Variants in HMX1 observed in about 807,000 individuals in gnomAD.
HMX1 encodes H6 family homeobox 1, also known as homeobox protein HMX1.
In HMX1, 8 loss-of-function variants were observed where a neutral mutation model predicts 8.9. The ratio of observed to expected loss-of-function variants is 0.90; its 90% CI spans 0.53 to 1.63. The LOEUF (loss-of-function observed/expected upper bound fraction) is 1.63, where lower values mean the gene tolerates loss of function less well. Among genes scored for constraint, HMX1 ranks in the 40% most tolerant of loss-of-function variants. The pLI, the probability that HMX1 is intolerant of heterozygous loss-of-function variation, is 0.00. For missense variants in HMX1, 621 were observed against 558.5 expected (o/e 1.11, Z -1.13); for synonymous variants, 311 against 283.4 (o/e 1.10, Z -0.98).
At chr4:8,865,452 A>G (rs1270989956), downstream of HMX1, among the ~76,000 whole-genome samples, 1 of 151,982 alleles carries the variant, frequency 6.6e-6, no homozygotes, top group Admixed American at 6.6e-5. Flanking sequence ...AGGAGAGGCT[A>G]CTGCTGCTGC....
At position 8,871,573 on chromosome 4, in the gene HMX1, G is replaced by T; in HGVS notation, c.42C>A (p.Ala14=). 7.4e-7 allele frequency: 1 copy of T among 1,351,764 alleles called. No individual in the cohort carries two copies. The highest frequency in any genetic ancestry group is 9.5e-7 in the Non-Finnish European group (1 of 1,048,816). 83.7% of individuals were successfully genotyped at this position (1,351,764 alleles called of 1,614,324 possible). ...ELTEPGRATP[A]RASSFLIENL... is the part of the protein sequence containing the mutation. ...TCTCGATGAGGAAGGAGGAGGCGCG[G>T]GCCGGCGTGGCGCGCCCGGGCTCCG... is the stretch of plus-strand genomic sequence containing the variant. Residue 14 remains alanine (A), a synonymous_variant, in exon 1 of 2, where the codon GCC becomes GCA. Coordinates refer to ENST00000400677, the MANE Select transcript of HMX1 (RefSeq NM_018942.3). This position sits in a 1 kb window ranked among gnomAD's most constrained non-coding sequence, Gnocchi z 4.8.
chr4:8,846,120 C>A, exon 2 of HMX1: 1 of 689,962 alleles, frequency 1.4e-6, no homozygotes, highest in South Asian at 1.8e-5. Flanking sequence ...ACTGAGTGCC[C>A]CCTGTGGGAA....
rs1449416484 is a variant in HMX1 at position 8,848,807 on chromosome 4, T to C, written c.395-2483A>G. On this transcript the variant is annotated intron_variant, in intron 1 of 1. Coordinates refer to the HMX1 transcript ENST00000506970. The surrounding 1 kb of genome is among the most constrained non-coding windows in gnomAD (Gnocchi z 4.1). Reference sequence around the variant, plus strand: ...GAGACATCATAAGGGCTTTTCCTGGTTGGTGAAGACCACAGGCTGCTGCCC... The same window carrying C: ...GAGACATCATAAGGGCTTTTCCTGGCTGGTGAAGACCACAGGCTGCTGCCC... 6.6e-6 allele frequency among the ~76,000 whole-genome samples: 1 copy of C among 152,184 alleles called. No individual in the cohort carries two copies.
intron 1 of HMX1, among the ~76,000 whole-genome samples, chr4:8,860,344 G>A (rs1473729850): frequency 1.3e-5 from 2 of 152,260 alleles, no homozygotes; most frequent in Non-Finnish European, 2.9e-5. Flanking sequence ...GGTGGGTGCT[G>A]AGCGGGAACA....
downstream of HMX1, among the ~76,000 whole-genome samples, chr4:8,864,346 G>A (rs1316421331): frequency 3.3e-5 from 5 of 152,276 alleles, no homozygotes; most frequent in African/African-American, 7.2e-5. Context: ...ACTGGTGCTC[G>A]GAGCTGTGCA....
intron 1 of HMX1, among the ~76,000 whole-genome samples, chr4:8,856,810 C>T (rs966123441): frequency 6.6e-6 from 1 of 152,184 alleles, no homozygotes; most frequent in Non-Finnish European, 1.5e-5. Context: ...AAACTCTGGT[C>T]GGGCGCAGTG....
At position 8,867,461 on chromosome 4, in the gene HMX1, T is replaced by A; in HGVS notation, c.*232A>T. On this transcript the variant is annotated 3_prime_UTR_variant, in exon 2 of 2. Coordinates refer to ENST00000400677, the MANE Select transcript of HMX1 (RefSeq NM_018942.3). ...AGCCCAGAGTCTCTGCATGGCCCCC[T>A]GTTCGAGTGGGGATCCAGCCTGGCA... 6.4e-6 allele frequency: 7 copies of A among 1,094,378 alleles called. No individual in the cohort carries two copies. The highest frequency in any genetic ancestry group is 7.8e-6 in the Non-Finnish European group (7 of 901,244). The allele number at this position is 1,094,378 out of a possible 1,614,324, so 67.8% of individuals were successfully genotyped here.
In HMX1 at chr4:8,871,543, C is replaced by A; in HGVS notation, c.72G>T (p.Leu24=). ...CTGCGCCCTTGGCCTCGGCCGCCAG[C>A]AGGTTCTCGATGAGGAAGGAGGAGG... ...ARASSFLIEN[L]LAAEAKGAGR... Residue 24 remains leucine, a synonymous_variant, in exon 1 of 2, where the codon CTG becomes CTT. Transcript: ENST00000400677. The surrounding 1 kb of genome is among the most constrained non-coding windows in gnomAD (Gnocchi z 4.8). The A allele has an allele frequency of 7.3e-7, 1 of 1,366,158 alleles. No individual in the cohort carries two copies. Among genetic ancestry groups the A allele is most frequent in the South Asian group, 1.6e-5 (1 of 64,322 alleles). 84.6% of individuals were successfully genotyped at this position (1,366,158 alleles called of 1,614,324 possible). A position where few individuals can be genotyped will look rare whatever the true frequency, so the allele number is the denominator to read the frequency against.
In HMX1 at chr4:8,867,411, G is replaced by C; in HGVS notation, c.*282C>G. ...GACCGCTCCTCGCTGAGGCCGGGGGGTGGCCGTGGCGCCGGGGGCTGCGCA... is the reference window on the plus strand; with the variant it reads ...GACCGCTCCTCGCTGAGGCCGGGGGCTGGCCGTGGCGCCGGGGGCTGCGCA... On this transcript the variant is annotated 3_prime_UTR_variant, in exon 2 of 2. Coordinates refer to ENST00000400677, the MANE Select transcript of HMX1 (RefSeq NM_018942.3). 9.2e-7 allele frequency: 1 copy of C among 1,082,780 alleles called. No homozygotes were observed. Among genetic ancestry groups the C allele is most frequent in the Non-Finnish European group, 1.1e-6 (1 of 893,740 alleles). 67.1% of individuals were successfully genotyped at this position (1,082,780 alleles called of 1,614,324 possible).
rs558555159 is a variant in HMX1 at position 8,869,166 on chromosome 4, C to T, written c.395-821G>A. Among the ~76,000 whole-genome samples the T allele has an allele frequency of 3.9e-5, 6 of 152,318 alleles. No individual in the cohort carries two copies. The East Asian group carries it at 7.7e-4, about 20-fold the overall frequency. ...CAGCCTCATGGGTTTGGGCTGAAAC[C>T]AGAAGCTCACAGGCGGTGTCTGAGT... On this transcript the variant is annotated intron_variant, in intron 1 of 1. Transcript: ENST00000400677.
Position 8,867,463 on chromosome 4 carries a change from T to G in HMX1, c.*230A>C. 9 of 1,115,820 alleles carry G rather than the reference T, an allele frequency of 8.1e-6. No homozygotes were observed. The highest frequency in any genetic ancestry group is 5.0e-5 in the Admixed American group (1 of 19,924). The allele number at this position is 1,115,820 out of a possible 1,614,324, so 69.1% of individuals were successfully genotyped here. On this transcript the variant is annotated 3_prime_UTR_variant, in exon 2 of 2. Coordinates refer to ENST00000400677, the MANE Select transcript of HMX1 (RefSeq NM_018942.3). Reference sequence around the variant, plus strand: ...CCCAGAGTCTCTGCATGGCCCCCTGTTCGAGTGGGGATCCAGCCTGGCAAA... The same window carrying G: ...CCCAGAGTCTCTGCATGGCCCCCTGGTCGAGTGGGGATCCAGCCTGGCAAA...
At chr4:8,856,470 G>C (rs1357721434) in intron 1 of HMX1, among the ~76,000 whole-genome samples, 1 of 152,144 alleles carries the variant, frequency 6.6e-6, no homozygotes, top group Non-Finnish European at 1.5e-5. Flanking sequence ...ACTAGGAGGA[G>C]GAGAAGAGGC....
intron 1 of HMX1, among the ~76,000 whole-genome samples, chr4:8,852,119 A>G (rs1464512796): frequency 6.6e-6 from 1 of 152,222 alleles, no homozygotes; most frequent in East Asian, 1.9e-4. Context: ...GTGGGCAAGG[A>G]GAGCGTGATG....
rs1721322933 is a variant in HMX1, at chr4:8,847,832, G to A, written c.395-1508C>T. ...GATTCAGAAACAGGGGAATGGGAAGGACAAGAAGAACCTCGGGGTTGGCTG... is the reference window on the plus strand; with the variant it reads ...GATTCAGAAACAGGGGAATGGGAAGAACAAGAAGAACCTCGGGGTTGGCTG... On this transcript the variant is annotated intron_variant, in intron 1 of 1. Transcript: ENST00000506970. The surrounding 1 kb of genome is among the most constrained non-coding windows in gnomAD (Gnocchi z 6.0). 6.6e-6 allele frequency among the ~76,000 whole-genome samples: 1 copy of A among 152,214 alleles called. No homozygotes were observed. Among genetic ancestry groups the A allele is most frequent in the Non-Finnish European group, 1.5e-5 (1 of 68,036 alleles).
In HMX1 at chr4:8,870,839, C is replaced by T. The variant is rs576829096; in HGVS notation, c.394+382G>A. Reference sequence around the variant, plus strand: ...TCTCTCTCCCGCAGCACATTCCTTTCTTCCTCCATCCTCCCATTTTCTTTC... The same window carrying T: ...TCTCTCTCCCGCAGCACATTCCTTTTTTCCTCCATCCTCCCATTTTCTTTC... On this transcript the variant is annotated intron_variant, in intron 1 of 1. Transcript: ENST00000400677. The surrounding 1 kb of genome is among the most constrained non-coding windows in gnomAD (Gnocchi z 4.4). Among the ~76,000 whole-genome samples, 11 of 133,868 alleles carry T rather than the reference C, an allele frequency of 8.2e-5. No homozygotes were observed. Among genetic ancestry groups the T allele is most frequent in the African/African-American group, 3.0e-4 (11 of 36,714 alleles). 87.8% of individuals were successfully genotyped at this position (133,868 alleles called of 152,430 possible).
In HMX1 at chr4:8,871,671, G is replaced by T; in HGVS notation, c.-57C>A. On this transcript the variant is annotated 5_prime_UTR_variant, in exon 1 of 2. Coordinates refer to ENST00000400677, the MANE Select transcript of HMX1 (RefSeq NM_018942.3). This position sits in a 1 kb window ranked among gnomAD's most constrained non-coding sequence, Gnocchi z 4.8. ...CTCCTCGGTCCCCGCTGGGGATGGT[G>T]GCGCGCGGCTCCCGGGCGCACGCGC... 8.6e-7 allele frequency: 1 copy of T among 1,158,592 alleles called. No homozygotes were observed. Among genetic ancestry groups the T allele is most frequent in the South Asian group, 4.2e-5 (1 of 23,606 alleles). 71.8% of individuals were successfully genotyped at this position (1,158,592 alleles called of 1,614,324 possible). A position where few individuals can be genotyped will look rare whatever the true frequency, so the allele number is the denominator to read the frequency against.
At position 8,867,370 on chromosome 4, in the gene HMX1, C is replaced by T. The variant is rs2109471926; in HGVS notation, c.*323G>A. The T allele has an allele frequency of 2.9e-6, 3 of 1,035,840 alleles. No homozygotes were observed. The highest frequency in any genetic ancestry group is 4.6e-5 in the South Asian group (1 of 21,762). The allele number at this position is 1,035,840 out of a possible 1,614,324, so 64.2% of individuals were successfully genotyped here. ...TGGGCTTGGCCTGAGGGCAGCTGCC[C>T]CGGGTGGCCATGGCCGACCGCTCCT... On this transcript the variant is annotated 3_prime_UTR_variant, in exon 2 of 2. Coordinates refer to ENST00000400677, the MANE Select transcript of HMX1 (RefSeq NM_018942.3).
chr4:8,867,610 C>G lies in HMX1; in HGVS notation c.*83G>C, dbSNP rs1224843373. The stretch of plus-strand genomic sequence containing the variant: ...AGGAGCGACCATCCCTTCCCTAACG[C>G]CCCCTGAGCCCTGCGCCTGCCGCTG... On this transcript the variant is annotated 3_prime_UTR_variant, in exon 2 of 2. Coordinates refer to ENST00000400677, the MANE Select transcript of HMX1 (RefSeq NM_018942.3). 6.7e-6 allele frequency: 8 copies of G among 1,194,914 alleles called. No homozygotes were observed. The highest frequency in any genetic ancestry group is 7.3e-6 in the Non-Finnish European group (7 of 963,866). 74.0% of individuals were successfully genotyped at this position (1,194,914 alleles called of 1,614,324 possible). A position where few individuals can be genotyped will look rare whatever the true frequency, so the allele number is the denominator to read the frequency against.
At position 8,867,524 on chromosome 4, in the gene HMX1, C is replaced by G; in HGVS notation, c.*169G>C. The G allele has an allele frequency of 8.4e-7, 1 of 1,187,638 alleles. No homozygotes were observed. The highest frequency in any genetic ancestry group is 1.0e-6 in the Non-Finnish European group (1 of 959,892). The allele number at this position is 1,187,638 out of a possible 1,614,324, so 73.6% of individuals were successfully genotyped here. On this transcript the variant is annotated 3_prime_UTR_variant, in exon 2 of 2. Coordinates refer to ENST00000400677, the MANE Select transcript of HMX1 (RefSeq NM_018942.3). ...GTCCCATTACATTCTAGAGGCGCTC[C>G]CCACAGAAGCTGAGGCCCGCCCGGC...
Sources: allele counts gnomAD v4.1 joint callset (sites outside exome capture counted in the v4.1 genomes callset), GRCh38; gene constraint gnomAD v4.1.1; non-coding constraint Gnocchi (gnomAD v3.1); transcripts MANE v1.5; gene names NCBI Gene and HGNC (gene_info 2026-07-23, HGNC 2026-07-21).